The following RETREG1 variants were observed in gnomAD, a reference collection of about 807,000 sequenced individuals.
RETREG1 encodes reticulophagy regulator 1.
In RETREG1, 44 loss-of-function variants were observed where a neutral mutation model predicts 54.8. The ratio of observed to expected loss-of-function variants is 0.80; its 90% CI spans 0.63 to 1.03. The LOEUF (loss-of-function observed/expected upper bound fraction) is 1.03. Ranked by LOEUF, RETREG1 falls within the 50% of genes least tolerant of loss-of-function variation. RETREG1 has a pLI of 0.00. For synonymous variants in RETREG1, 217 were observed against 238.5 expected (o/e 0.91, Z 0.83); for missense variants, 554 against 605.1 (o/e 0.92, Z 0.89).
chr5:16,473,690 A>C lies in RETREG1; in HGVS notation c.*1051T>G, dbSNP rs1054320636. 6.6e-6 allele frequency: 1 copy of C among 152,496 alleles called. No homozygotes were observed. The highest frequency in any genetic ancestry group is 1.5e-5 in the Non-Finnish European group (1 of 68,018). The allele number at this position is 152,496 out of a possible 1,614,324, so 9.4% of individuals were successfully genotyped here. A position where few individuals can be genotyped will look rare whatever the true frequency, so the allele number is the denominator to read the frequency against. ...AAAGTGACCTTAAAAAGTTTAAAGG[A>C]AAATATATATATTCTATCTTCCCAA... On this transcript the variant is annotated 3_prime_UTR_variant, in exon 9 of 9. Coordinates refer to ENST00000306320, the MANE Select transcript of RETREG1 (RefSeq NM_001034850.3).
chr5:16,536,426 A>T (rs538264693), intron 3 of RETREG1, among the ~76,000 whole-genome samples: 2 of 152,260 alleles, frequency 1.3e-5, no homozygotes, highest in Non-Finnish European at 2.9e-5. Context: ...CAGTCACAGC[A>T]GCAAGGAGAG....
At chr5:16,581,524 ACAACACACAC>A (rs1238297990) in intron 1 of RETREG1, among the ~76,000 whole-genome samples, 14 of 40,826 alleles carry the variant, frequency 3.4e-4, no homozygotes, top group African/African-American at 1.3e-3. Flanking sequence ...GTTCAGAAAC[ACAACACACAC>A]ACACACACAC....
chr5:16,514,141 A>C (rs1740270616), intron 3 of RETREG1, among the ~76,000 whole-genome samples: 1 of 152,214 alleles, frequency 6.6e-6, no homozygotes, highest in Admixed American at 6.5e-5. Context: ...CTTAATTTAA[A>C]AGCTGGGTTT....
rs372881273 is a variant in RETREG1, at chr5:16,483,821, G to A, written c.459-349C>T. 3.3e-5 allele frequency among the ~76,000 whole-genome samples: 5 copies of A among 152,146 alleles called. No homozygotes were observed. The East Asian group carries it at 9.6e-4, about 29-fold the overall frequency. On this transcript the variant is annotated intron_variant, in intron 3 of 8. Transcript: ENST00000306320. ...AGAACAACATGCAATATATGCAGAA[G>A]CCCTGGAGTGGGAAGGAGCTTAAAT...
intron 3 of RETREG1, among the ~76,000 whole-genome samples, chr5:16,534,009 G>T (rs999051028): frequency 1.3e-5 from 2 of 152,008 alleles, no homozygotes; most frequent in Non-Finnish European, 2.9e-5. Flanking sequence ...AGCTTCCAGG[G>T]AGCTCAGCTT....
chr5:16,595,059 T>C (rs1742861340), intron 1 of RETREG1, among the ~76,000 whole-genome samples: 1 of 152,174 alleles, frequency 6.6e-6, no homozygotes, highest in Admixed American at 6.5e-5. Context: ...TTTCTCCATG[T>C]GCAAAGATGG....
chr5:16,474,669 C>CTTTTTTTTTTTTTTTTTTCTT lies in RETREG1; in HGVS notation c.*71_*72insAAGAAAAAAAAAAAAAAAAAA. ...CTTACAGTTCAATTTTTTTCTTTTCCTTTTTTTTTTTTTTTTCTTGTTTGA... is the reference window on the plus strand; with the variant it reads ...CTTACAGTTCAATTTTTTTCTTTTCCTTTTTTTTTTTTTTTTTTCTTTTTTTTTTTTTTTTTTCTTGTTTGA... On this transcript the variant is annotated 3_prime_UTR_variant, in exon 9 of 9. Transcript: ENST00000306320. The CTTTTTTTTTTTTTTTTTTCTT allele has an allele frequency of 7.9e-7, 1 of 1,264,828 alleles. No homozygotes were observed. The highest frequency in any genetic ancestry group is 1.1e-6 in the Non-Finnish European group (1 of 938,058). 78.4% of individuals were successfully genotyped at this position (1,264,828 alleles called of 1,614,324 possible).
chr5:16,601,605 AG>A (rs1743057265), intron 1 of RETREG1, among the ~76,000 whole-genome samples: 1 of 152,108 alleles, frequency 6.6e-6, no homozygotes, highest in African/African-American at 2.4e-5. Context: ...CATGTTGGCC[AG>A]GCTGGTCTCG....
At chr5:16,564,765 C>T (rs192591407) in intron 3 of RETREG1, among the ~76,000 whole-genome samples, 1 of 152,234 alleles carries the variant, frequency 6.6e-6, no homozygotes, top group East Asian at 1.9e-4. Context: ...GCATCCTGCC[C>T]ATGAAAATCT....
chr5:16,579,401 C>T (rs1182772366), intron 1 of RETREG1, among the ~76,000 whole-genome samples: 1 of 152,172 alleles, frequency 6.6e-6, no homozygotes, highest in Non-Finnish European at 1.5e-5. Context: ...CTGCTGGACA[C>T]AAGTGTCTGC....
rs557333822 is a variant in RETREG1, at chr5:16,600,673, C to G, written c.320+15979G>C. ...GGCCACTCCTCAGCCCAGCACACTG[C>G]GCTCAGCCTTGGAGCCCTTTACTGT... On this transcript the variant is annotated intron_variant, in intron 1 of 8. Transcript: ENST00000306320. 2.2e-3 allele frequency among the ~76,000 whole-genome samples: 329 copies of G among 152,304 alleles called. 2 individuals are homozygous for G. The highest frequency in any genetic ancestry group is 3.6e-3 in the Non-Finnish European group (242 of 68,026).
At chr5:16,562,732 A>G (rs977492875) in intron 3 of RETREG1, among the ~76,000 whole-genome samples, 1 of 152,246 alleles carries the variant, frequency 6.6e-6, no homozygotes, top group Non-Finnish European at 1.5e-5. Flanking sequence ...GGCATCAATG[A>G]CTAGTACACC....
Position 16,616,083 on chromosome 5 carries a change from G to A in RETREG1, c.320+569C>T, listed in dbSNP as rs1743497316. ...CCACACTGTGCACACCCGGGGGTGG[G>A]TGCTGGGCATACTCCACCTGCTTGT... On this transcript the variant is annotated intron_variant, in intron 1 of 8. Transcript: ENST00000306320. 1.3e-5 allele frequency: 2 copies of A among 153,122 alleles called. 1 individual carries two copies. Among genetic ancestry groups the A allele is most frequent in the Admixed American group, 1.3e-4 (2 of 15,412 alleles). 9.5% of individuals were successfully genotyped at this position (153,122 alleles called of 1,614,324 possible).
intron 8 of RETREG1, among the ~76,000 whole-genome samples, chr5:16,477,001 G>A (rs183348381): frequency 3.9e-5 from 6 of 152,188 alleles, no homozygotes; most frequent in Non-Finnish European, 7.4e-5. Context: ...GGAACTTGAC[G>A]TCCATACTTC....
chr5:16,564,985 T>G (rs556842632), intron 3 of RETREG1, among the ~76,000 whole-genome samples: 1 of 152,316 alleles, frequency 6.6e-6, no homozygotes, highest in African/African-American at 2.4e-5. Flanking sequence ...ACAAGTCAGG[T>G]TCCTCAGCCA....
chr5:16,500,916 CTT>C (rs144798024), intron 3 of RETREG1, among the ~76,000 whole-genome samples: 8,115 of 152,116 alleles, frequency 0.053, 272 homozygotes, highest in African/African-American at 0.099. Flanking sequence ...CCCCAGGTAA[CTT>C]TGCACACCCC....
At chr5:16,591,845 C>T (rs1742783613) in intron 1 of RETREG1, among the ~76,000 whole-genome samples, 1 of 152,150 alleles carries the variant, frequency 6.6e-6, no homozygotes, top group Non-Finnish European at 1.5e-5. Context: ...ATGCAGGGAA[C>T]AAGAATAAAA....
At chr5:16,478,143 C>G (rs1347472617) in intron 6 of RETREG1, 45 bp from the exon 7 acceptor site, 5 of 1,231,542 alleles carry the variant, frequency 4.1e-6, no homozygotes, top group Non-Finnish European at 4.8e-6. Context: ...CTAGCCAACT[C>G]AGACATAGTG....
At position 16,571,982 on chromosome 5, in the gene RETREG1, C is replaced by T; in HGVS notation, c.427+14G>A. 6.4e-7 allele frequency: 1 copy of T among 1,563,946 alleles called. No individual in the cohort carries two copies. The highest frequency in any genetic ancestry group is 8.8e-7 in the Non-Finnish European group (1 of 1,134,496). ...AAATTAAATACCATATAAATAAAAT[C>T]TGAGTATTCTTACCTCTTGTTCTAG... On this transcript the variant is annotated intron_variant, in intron 2 of 8. Coordinates refer to ENST00000306320, the MANE Select transcript of RETREG1 (RefSeq NM_001034850.3).
Sources: gnomAD v4.1 joint callset for allele counts (sites outside exome capture counted in the v4.1 genomes callset) on GRCh38, gnomAD v4.1.1 for gene constraint, MANE v1.5 for transcripts, NCBI Gene and HGNC (gene_info 2026-07-23, HGNC 2026-07-21) for gene names.